The following CHMP3 variants were observed in gnomAD, a reference collection of about 807,000 sequenced individuals.
CHMP3 encodes the protein 25.1 protein.
CHMP3 carries 8 observed loss-of-function variants against 27.4 expected under a neutral mutation model. The observed-to-expected ratio is 0.29, with a 90% CI of 0.17 to 0.53. CHMP3 has a LOEUF of 0.53. CHMP3 is among the 20% of genes least tolerant of loss of function. The pLI, the probability that CHMP3 is intolerant of heterozygous loss-of-function variation, is 0.96. For missense variants in CHMP3, 208 were observed against 271.5 expected (o/e 0.77, Z 1.64); for synonymous variants, 86 against 85.5 (o/e 1.01, Z -0.03).
chr2:86,507,507 A>C lies in CHMP3; in HGVS notation c.495T>G (p.Ile165Met), dbSNP rs770361976. The C allele has an allele frequency of 6.2e-7, 1 of 1,614,162 alleles. No homozygotes were observed. The highest frequency in any genetic ancestry group is 8.5e-7 in the Non-Finnish European group (1 of 1,180,018). The change falls in exon 5 of 6, where the codon ATT becomes ATG. Residue 165 changes from isoleucine to methionine, a missense_variant. This residue lies in a region of CHMP3 where 94 missense variants were observed against 159.6 expected (regional missense o/e 0.59). Transcript: ENST00000263856. ...CTGTAATTTCAAAGAGAATTCTGTC[A>C]ATTTCCATTTCTGCTTCTTCCTCCA... is the stretch of plus-strand genomic sequence containing the variant. ...EEMEEEAEME[I>M]DRILFEITAG...
intron 1 of CHMP3, chr2:86,562,634 T>A (rs939534093): frequency 6.6e-6 from 1 of 152,222 alleles, no homozygotes; most frequent in Non-Finnish European, 1.5e-5. Context: ...GAAGGCAGGA[T>A]TCAAACTTAG....
At chr2:86,518,622 T>C (rs1675404952) in intron 3 of CHMP3, among the ~76,000 whole-genome samples, 1 of 152,118 alleles carries the variant, frequency 6.6e-6, no homozygotes, top group African/African-American at 2.4e-5. Flanking sequence ...GGTAATTCTT[T>C]TGTTGGAGGC....
At chr2:86,507,316 TATAG>T in intron 5 of CHMP3, 159 bp downstream of exon 5, 1 of 615,886 alleles carries the variant, frequency 1.6e-6, no homozygotes, top group Non-Finnish European at 2.8e-6. Flanking sequence ...AAAAGATGGT[TATAG>T]ATATTGTGCT....
intron 3 of CHMP3, among the ~76,000 whole-genome samples, chr2:86,522,155 G>A (rs1035501578): frequency 7.9e-5 from 12 of 152,130 alleles, no homozygotes; most frequent in African/African-American, 2.9e-4. Context: ...CCTCCCCAGA[G>A]GCATCTGCAT....
chr2:86,515,457 G>A (rs1027510102), intron 3 of CHMP3: 4 of 152,282 alleles, frequency 2.6e-5, no homozygotes, highest in Non-Finnish European at 4.4e-5. Flanking sequence ...TGAGTAGTTG[G>A]GATTATAGGT....
intron 1 of CHMP3, chr2:86,562,754 T>C (rs1677425132): frequency 1.3e-5 from 2 of 152,440 alleles, no homozygotes; most frequent in South Asian, 2.0e-4. Flanking sequence ...AACATTCTTC[T>C]GGGTCGAGTC....
chr2:86,545,677 T>C (rs1213945895), intron 1 of CHMP3, among the ~76,000 whole-genome samples: 1 of 147,472 alleles, frequency 6.8e-6, no homozygotes, highest in Non-Finnish European at 1.5e-5. Flanking sequence ...GCAGAGGCAC[T>C]CCTCAGTTCC....
At chr2:86,558,574 A>G (rs1677219357) in intron 1 of CHMP3, among the ~76,000 whole-genome samples, 1 of 152,204 alleles carries the variant, frequency 6.6e-6, no homozygotes, top group Non-Finnish European at 1.5e-5. Flanking sequence ...GCCCGAATTG[A>G]CCTGTCACCA....
At chr2:86,510,562 T>C (rs189098829) in intron 3 of CHMP3, 83 bp from the exon 4 acceptor site, 251 of 1,562,298 alleles carry the variant, frequency 1.6e-4, no homozygotes, top group Non-Finnish European at 1.2e-4. Context: ...TTCCAATAAA[T>C]GACAGCAGTA....
intron 3 of CHMP3, chr2:86,512,477 G>A (rs2104745429): frequency 6.6e-6 from 1 of 152,256 alleles, no homozygotes; most frequent in South Asian, 2.1e-4. Flanking sequence ...AACTAAGACA[G>A]GTATTTAAAA....
At chr2:86,521,480 T>C (rs558970046) in intron 3 of CHMP3, among the ~76,000 whole-genome samples, 6 of 152,240 alleles carry the variant, frequency 3.9e-5, no homozygotes, top group Non-Finnish European at 8.8e-5. Context: ...TATAGTTAAG[T>C]GGCATTAGGT....
Position 86,510,378 on chromosome 2 carries a change from A to G in CHMP3, c.388T>C (p.Leu130=), listed in dbSNP as rs759659397. 1.9e-6 allele frequency: 3 copies of G among 1,613,684 alleles called. No individual in the cohort carries two copies. Among genetic ancestry groups the G allele is most frequent in the Non-Finnish European group, 1.7e-6 (2 of 1,179,918 alleles). The change falls in exon 4 of 6, where the codon TTG becomes CTG. Residue 130 remains leucine (L), a synonymous_variant. Coordinates refer to ENST00000263856, the MANE Select transcript of CHMP3 (RefSeq NM_016079.4). The part of the protein sequence containing the change: ...IPEIQATMRE[L]SKEMMKAGII... ...GTCACCTTCATCATTTCTTTGGACA[A>G]CTCCCTCATGGTGGCCTGAATCTCT...
intron 1 of CHMP3, among the ~76,000 whole-genome samples, chr2:86,552,253 T>G: frequency 6.6e-6 from 1 of 152,220 alleles, no homozygotes; most frequent in Non-Finnish European, 1.5e-5. Context: ...GAGAATGCAG[T>G]TGATACCACC....
chr2:86,529,386 C>T lies in CHMP3; in HGVS notation c.118G>A (p.Glu40Lys), dbSNP rs774832261. Residue 40 changes from glutamate (E) to lysine (K), a missense_variant, in exon 3 of 6, where the codon GAA (glutamate) becomes AAA (lysine). By Grantham distance (56) the Glu-to-Lys change is moderately conservative. This residue lies in a region of CHMP3 where 52 missense variants were observed against 43.5 expected (regional missense o/e 1.19). Coordinates refer to ENST00000263856, the MANE Select transcript of CHMP3 (RefSeq NM_016079.4). ...VDRQIRDIQR[E>K]EEKVKRSVKD... ...ACAGATCGTTTCACTTTTTCTTCTTCTCTTTGGATATCTAAATTTAGAACA... is the reference window on the plus strand; with the variant it reads ...ACAGATCGTTTCACTTTTTCTTCTTTTCTTTGGATATCTAAATTTAGAACA... The T allele has an allele frequency of 6.1e-5, 98 of 1,597,498 alleles. No individual in the cohort carries two copies. Among genetic ancestry groups the T allele is most frequent in the Non-Finnish European group, 8.2e-5 (96 of 1,173,666 alleles).
At chr2:86,543,656 AAT>A (rs749739058) in intron 1 of CHMP3, among the ~76,000 whole-genome samples, 8 of 152,188 alleles carry the variant, frequency 5.3e-5, no homozygotes, top group Non-Finnish European at 1.0e-4. Context: ...TACGTCCTTG[AAT>A]ATATACATAG....
At chr2:86,508,389 T>C (rs1391987719) in intron 4 of CHMP3, among the ~76,000 whole-genome samples, 2 of 152,144 alleles carry the variant, frequency 1.3e-5, no homozygotes, top group African/African-American at 4.8e-5. Flanking sequence ...AGGGCCCTAC[T>C]GAATGTTCTT....
intron 2 of CHMP3, among the ~76,000 whole-genome samples, chr2:86,531,571 T>C (rs1675922291): frequency 6.6e-6 from 1 of 152,136 alleles, no homozygotes; most frequent in Non-Finnish European, 1.5e-5. Context: ...TTACTCTGTG[T>C]TTTTTTCTAA....
chr2:86,535,416 C>A (rs948828247), intron 2 of CHMP3, among the ~76,000 whole-genome samples: 1 of 151,784 alleles, frequency 6.6e-6, no homozygotes, highest in Admixed American at 6.6e-5. Context: ...TGTTTTTATT[C>A]CCTTCTTATT....
At chr2:86,561,857 T>C (rs1677383939) in intron 1 of CHMP3, 3 of 152,178 alleles carry the variant, frequency 2.0e-5, no homozygotes, top group Non-Finnish European at 2.9e-5. Flanking sequence ...AAGCAACCAT[T>C]TCCCCAGCAT....
Sources: allele counts gnomAD v4.1 joint callset (sites outside exome capture counted in the v4.1 genomes callset), GRCh38; gene constraint gnomAD v4.1.1; regional missense constraint gnomAD v4.1.1; transcripts MANE v1.5; gene names NCBI Gene and HGNC (gene_info 2026-07-23, HGNC 2026-07-21).